The following DAB1 variants were observed in gnomAD, a reference collection of about 807,000 sequenced individuals.
DAB1 encodes disabled homolog 1.
In DAB1, 15 loss-of-function variants were observed where a neutral mutation model predicts 64.6. The ratio of observed to expected loss-of-function variants is 0.23; its 90% CI spans 0.16 to 0.36. The LOEUF (loss-of-function observed/expected upper bound fraction) is 0.36, where lower values mean the gene tolerates loss of function less well. Ranked by LOEUF, DAB1 falls within the 10% of genes least tolerant of loss-of-function variation. The probability of loss-of-function intolerance (pLI) is 1.00; values close to 1 mark genes in which losing one functional copy is unlikely to be tolerated. For missense variants in DAB1, 596 were observed against 706.7 expected (o/e 0.84, Z 1.78); for synonymous variants, 235 against 251.9 (o/e 0.93, Z 0.64).
Position 58,450,555 on chromosome 1 carries a change from C to G in DAB1, n.257+55505G>C, listed in dbSNP as rs569504815. Among the ~76,000 whole-genome samples the G allele has an allele frequency of 2.0e-3, 312 of 152,250 alleles. 1 individual carries two copies. The highest frequency in any genetic ancestry group is 7.2e-3 in the African/African-American group (297 of 41,536). On this transcript the variant is annotated intron_variant and non_coding_transcript_variant, in intron 3 of 20. Coordinates refer to the DAB1 transcript ENST00000485760. ...GGATCACAAGGTCAGGTGATCGAGA[C>G]CATCCTGGCTAACACAGTGAAACCC...
At chr1:58,337,724 G>A (rs1663154351) in intron 4 of DAB1, among the ~76,000 whole-genome samples, 1 of 152,106 alleles carries the variant, frequency 6.6e-6, no homozygotes, top group Non-Finnish European at 1.5e-5. Context: ...AAAAATACAT[G>A]TGTATTAATC....
At chr1:57,534,107 G>T (rs898011443) in intron 7 of DAB1, among the ~76,000 whole-genome samples, 2 of 152,072 alleles carry the variant, frequency 1.3e-5, no homozygotes, top group Non-Finnish European at 2.9e-5. Context: ...CATTCATTCT[G>T]CAATAATGTC....
intron 1 of DAB1, among the ~76,000 whole-genome samples, chr1:57,336,976 T>C (rs1326650211): frequency 2.0e-5 from 3 of 152,152 alleles, no homozygotes; most frequent in African/African-American, 7.2e-5. Context: ...CATCAGCTCC[T>C]CTAGGTAGTA....
chr1:57,512,895 C>T (rs915066927), intron 7 of DAB1, among the ~76,000 whole-genome samples: 8 of 152,170 alleles, frequency 5.3e-5, no homozygotes, highest in African/African-American at 1.7e-4. Context: ...GACCCATTTC[C>T]GTGGATGGTG....
intron 6 of DAB1, among the ~76,000 whole-genome samples, chr1:57,787,635 C>CA (rs1204620122): frequency 6.6e-6 from 1 of 151,900 alleles, no homozygotes; most frequent in Non-Finnish European, 1.5e-5. Context: ...ACACAAAAAG[C>CA]ATGAACTATA....
At chr1:57,870,028 G>C (rs1377941380) in intron 1 of DAB1, among the ~76,000 whole-genome samples, 1 of 152,110 alleles carries the variant, frequency 6.6e-6, no homozygotes, top group African/African-American at 2.4e-5. Flanking sequence ...ATGTGCTGGA[G>C]TTAGGCAAAT....
chr1:57,771,178 C>G (rs1195555087), intron 6 of DAB1, among the ~76,000 whole-genome samples: 1 of 152,134 alleles, frequency 6.6e-6, no homozygotes, highest in Non-Finnish European at 1.5e-5. Context: ...GTGAGTGTCA[C>G]ACAGCTGATA....
chr1:58,534,389 C>T (rs757320793), intron 1 of DAB1: 3 of 730,624 alleles, frequency 4.1e-6, no homozygotes, highest in Non-Finnish European at 7.0e-6. Context: ...GCTTACTCTG[C>T]TTCATGGAAA....
At chr1:57,807,802 T>A (rs1651435880) in intron 6 of DAB1, among the ~76,000 whole-genome samples, 1 of 152,128 alleles carries the variant, frequency 6.6e-6, no homozygotes, top group Non-Finnish European at 1.5e-5. Context: ...CTCTTTTTTC[T>A]CCTCCTCCCT....
chr1:57,180,234 C>A (rs971668276), intron 2 of DAB1, among the ~76,000 whole-genome samples: 1 of 152,218 alleles, frequency 6.6e-6, no homozygotes, highest in Non-Finnish European at 1.5e-5. Flanking sequence ...CTAAACTGCA[C>A]CTTCCCCTTT....
chr1:57,942,968 C>T (rs1645126323), intron 5 of DAB1, among the ~76,000 whole-genome samples: 1 of 152,182 alleles, frequency 6.6e-6, no homozygotes, highest in Admixed American at 6.5e-5. Context: ...CATTTACAAA[C>T]ACCATGCATG....
intron 6 of DAB1, among the ~76,000 whole-genome samples, chr1:57,769,499 A>G (rs1391895067): frequency 2.0e-5 from 3 of 152,146 alleles, no homozygotes; most frequent in Middle Eastern, 3.2e-3. Context: ...GAATATTCCA[A>G]GGAGATTTGA....
chr1:57,152,438 T>C (rs145229477), intron 2 of DAB1, among the ~76,000 whole-genome samples: 87 of 152,356 alleles, frequency 5.7e-4, no homozygotes, highest in African/African-American at 2.0e-3. Context: ...AATGTAGCAC[T>C]GATTTGAATT....
intron 9 of DAB1, 101 bp downstream of exon 9, chr1:57,062,783 G>T: frequency 1.0e-6 from 1 of 954,050 alleles, no homozygotes; most frequent in Non-Finnish European, 1.6e-6. Context: ...GTGGGGCCAT[G>T]ACACTCATTC....
At chr1:58,046,406 T>A (rs1280567049) in intron 5 of DAB1, among the ~76,000 whole-genome samples, 1 of 152,174 alleles carries the variant, frequency 6.6e-6, no homozygotes, top group Non-Finnish European at 1.5e-5. Context: ...GTCCCTCCCA[T>A]AGAACACATT....
At chr1:58,200,683 T>C (rs934310057) in intron 4 of DAB1, among the ~76,000 whole-genome samples, 6 of 152,206 alleles carry the variant, frequency 3.9e-5, no homozygotes, top group African/African-American at 7.2e-5. Flanking sequence ...TGTAATTCAA[T>C]TGATTTTTTT....
rs571893386 is a variant in DAB1, at chr1:57,700,684, G to A, written n.552-51019C>T. ...GAGTATTCTTATTTGGGTTAAATCT[G>A]TTTGGTGATCTCTGACTTTTCTATG... On this transcript the variant is annotated intron_variant and non_coding_transcript_variant, in intron 6 of 20. Transcript: ENST00000485760. 1.1e-3 allele frequency among the ~76,000 whole-genome samples: 168 copies of A among 152,188 alleles called. 1 individual carries two copies. Among genetic ancestry groups the A allele is most frequent in the African/African-American group, 4.0e-3 (167 of 41,528 alleles).
In DAB1 at chr1:58,246,260, C is replaced by T. The variant is rs143798305; in HGVS notation, n.310-95672G>A. Among the ~76,000 whole-genome samples the T allele has an allele frequency of 3.2e-4, 49 of 152,178 alleles. No homozygotes were observed. In the Middle Eastern group the frequency reaches 0.01, roughly 32 times the overall value. On this transcript the variant is annotated intron_variant and non_coding_transcript_variant, in intron 4 of 20. Coordinates refer to the DAB1 transcript ENST00000485760. ...TTTCGTGCAGAGGACTGTGTTATAC[C>T]CTGAGATTGAATAGTGGAATGGGTA... is the stretch of plus-strand genomic sequence containing the variant.
chr1:57,498,277 GGA>G (rs1644252417), intron 7 of DAB1, among the ~76,000 whole-genome samples: 2 of 152,254 alleles, frequency 1.3e-5, no homozygotes, highest in South Asian at 4.1e-4. Flanking sequence ...GCTGTGCATT[GGA>G]GATGCAATCT....
Sources: allele counts gnomAD v4.1 joint callset (sites outside exome capture counted in the v4.1 genomes callset), GRCh38; gene constraint gnomAD v4.1.1; transcripts MANE v1.5; gene names NCBI Gene and HGNC (gene_info 2026-07-23, HGNC 2026-07-21).